The following TUT7 variants were observed in gnomAD, a reference collection of about 807,000 sequenced individuals.
TUT7 encodes terminal uridylyltransferase 7.
A neutral mutation model predicts 165.9 loss-of-function variants in TUT7; 33 were observed. The observed-to-expected ratio is 0.20, with a 90% CI of 0.15 to 0.27. The LOEUF is 0.27. TUT7 is among the 10% of genes least tolerant of loss of function. The probability of loss-of-function intolerance (pLI) is 1.00; values close to 1 mark genes in which losing one functional copy is unlikely to be tolerated. For synonymous variants in TUT7, 552 were observed against 608.1 expected (o/e 0.91, Z 1.36); for missense variants, 1,338 against 1,762.3 (o/e 0.76, Z 4.31).
intron 23 of TUT7, 115 bp from the exon 24 acceptor site, chr9:86,305,062 G>A (rs1313768807): frequency 1.7e-6 from 2 of 1,170,374 alleles, no homozygotes; most frequent in Admixed American, 2.4e-5. Flanking sequence ...CTGGGAGGCT[G>A]GGGTAGGTGG....
rs1396036366 is a variant in TUT7, at chr9:86,345,625, C to T, written c.819+44G>A. ...AAGCCACAAAGATGACAAGTAATAA[C>T]AACTAACAAGTAAGCAGACTTGTTT... On this transcript the variant is annotated intron_variant, in intron 4 of 26. Transcript: ENST00000375963. 4 of 1,380,340 alleles carry T rather than the reference C, an allele frequency of 2.9e-6. No individual in the cohort carries two copies. The East Asian group carries it at 6.9e-5, about 24-fold the overall frequency. The allele number at this position is 1,380,340 out of a possible 1,614,324, so 85.5% of individuals were successfully genotyped here. A position where few individuals can be genotyped will look rare whatever the true frequency, so the allele number is the denominator to read the frequency against.
chr9:86,332,360 A>T (rs200585607), intron 10 of TUT7, among the ~76,000 whole-genome samples: 1 of 90,142 alleles, frequency 1.1e-5, no homozygotes, highest in Admixed American at 1.1e-4. Flanking sequence ...ATGCAGCCAT[A>T]AAAAAACCCA....
At chr9:86,305,533 T>C (rs1827386685) in intron 22 of TUT7, among the ~76,000 whole-genome samples, 1 of 152,198 alleles carries the variant, frequency 6.6e-6, no homozygotes, top group Non-Finnish European at 1.5e-5. Flanking sequence ...TAAATCATTA[T>C]AAAGCTCTTT....
chr9:86,353,127 T>C lies in TUT7; in HGVS notation c.73A>G (p.Arg25Gly), dbSNP rs773185841. The change falls in exon 2 of 27, where the codon AGA (arginine) becomes GGA (glycine). Residue 25 changes from arginine to glycine, a missense_variant. Arg to Gly is a moderately radical substitution (Grantham distance 125). Coordinates refer to ENST00000375963, the MANE Select transcript of TUT7 (RefSeq NM_024617.4). ...DRGTMDDDDF[R>G]RGHPQQDYLI... The stretch of plus-strand genomic sequence containing the variant: ...TAATCTTGTTGGGGGTGACCCCTTC[T>C]GAAGTCATCATCATCCATAGTCCCC... The C allele has an allele frequency of 1.9e-6, 3 of 1,612,348 alleles. No homozygotes were observed. The African/African-American group carries it at 4.0e-5, about 22-fold the overall frequency.
chr9:86,298,378 C>T (rs1826552075), intron 26 of TUT7, among the ~76,000 whole-genome samples: 1 of 152,128 alleles, frequency 6.6e-6, no homozygotes, highest in Non-Finnish European at 1.5e-5. Flanking sequence ...TGAGAGGTAA[C>T]AGTGGAGTTC....
rs748864934 is a variant in TUT7, at chr9:86,309,306, A to T, written c.3583-17T>A. The T allele has an allele frequency of 2.0e-6, 3 of 1,503,060 alleles. No homozygotes were observed. Among genetic ancestry groups the T allele is most frequent in the South Asian group, 1.2e-5 (1 of 86,304 alleles). 93.1% of individuals were successfully genotyped at this position (1,503,060 alleles called of 1,614,324 possible). Reference sequence around the variant, plus strand: ...TTTGTATATCTGAAATTAATTTTTAAACTATTAGTATGGATTACAAACTTA... The same window carrying T: ...TTTGTATATCTGAAATTAATTTTTATACTATTAGTATGGATTACAAACTTA... On this transcript the variant is annotated splice_polypyrimidine_tract_variant and intron_variant, in intron 20 of 26. Coordinates refer to ENST00000375963, the MANE Select transcript of TUT7 (RefSeq NM_024617.4).
At chr9:86,319,113 G>T (rs919555432) in intron 15 of TUT7, 55 bp from the exon 16 acceptor site, 16 of 1,260,658 alleles carry the variant, frequency 1.3e-5, no homozygotes, top group Non-Finnish European at 1.7e-5. Context: ...TTTAATTTTT[G>T]ATCAAAATGG....
chr9:86,305,068 G>T, intron 23 of TUT7, 121 bp from the exon 24 acceptor site: 1 of 1,188,742 alleles, frequency 8.4e-7, no homozygotes, highest in Non-Finnish European at 1.2e-6. Context: ...GGCTGGGGTA[G>T]GTGGATCACT....
chr9:86,326,149 T>C (rs571849680), intron 11 of TUT7, among the ~76,000 whole-genome samples: 74 of 152,252 alleles, frequency 4.9e-4, no homozygotes, highest in African/African-American at 1.5e-3. Context: ...CAAATAGAGA[T>C]TCTGCCACGT....
Position 86,301,430 on chromosome 9 carries a change from C to A in TUT7, c.4266G>T (p.Arg1422=). ...TCTCCCTCCCCAGGTCAGCAGCTGC[C>A]CGCATTGGCTTGGCTTTCTGAGGTG... is the stretch of plus-strand genomic sequence containing the variant. ...QCTPQKAKPM[R]AAADLGREKI... Residue 1422 remains arginine, a synonymous_variant, in exon 26 of 27, where the codon CGG becomes CGT. Transcript: ENST00000375963. 1.9e-6 allele frequency: 3 copies of A among 1,614,186 alleles called. No homozygotes were observed. Among genetic ancestry groups the A allele is most frequent in the Non-Finnish European group, 2.5e-6 (3 of 1,180,022 alleles).
chr9:86,301,402 T>A lies in TUT7; in HGVS notation c.4294A>T (p.Ile1432Phe), dbSNP rs763152242. ...CATTTTTCTACTGGTGGCCTGAGGA[T>A]CTTCTCCCTCCCCAGGTCAGCAGCT... ...RAAADLGREK[I>F]LRPPVEKWKR... Residue 1432 changes from isoleucine (I) to phenylalanine (F), a missense_variant, in exon 26 of 27, where the codon ATC (isoleucine) becomes TTC (phenylalanine). Physicochemically the swap from Ile to Phe is conservative, Grantham distance 21. This residue lies in a region of TUT7 where 167 missense variants were observed against 204.9 expected (regional missense o/e 0.82). Coordinates refer to ENST00000375963, the MANE Select transcript of TUT7 (RefSeq NM_024617.4). 98 of 1,614,032 alleles carry A rather than the reference T, an allele frequency of 6.1e-5. No individual in the cohort carries two copies. Among genetic ancestry groups the A allele is most frequent in the Non-Finnish European group, 8.2e-5 (97 of 1,180,032 alleles).
At position 86,311,526 on chromosome 9, in the gene TUT7, C is replaced by T. The variant is rs1249907064; in HGVS notation, c.3275-717G>A. Among the ~76,000 whole-genome samples the T allele has an allele frequency of 5.3e-5, 8 of 152,078 alleles. No individual in the cohort carries two copies. In the East Asian group the frequency reaches 5.8e-4, roughly 11 times the overall value. ...GGTGGAGAAACTGGGAAAGGTCCAA[C>T]TACAGAACATACACATTTTGCTAAG... On this transcript the variant is annotated intron_variant, in intron 17 of 26. Coordinates refer to ENST00000375963, the MANE Select transcript of TUT7 (RefSeq NM_024617.4). This position sits in a 1 kb window ranked among gnomAD's most constrained non-coding sequence, Gnocchi z 4.4.
intron 7 of TUT7, among the ~76,000 whole-genome samples, chr9:86,340,452 A>T (rs1041743086): frequency 5.9e-5 from 9 of 152,248 alleles, no homozygotes; most frequent in Admixed American, 5.9e-4. Flanking sequence ...GTGTCAAAAT[A>T]TGTATTGATC....
At chr9:86,322,257 G>T in intron 14 of TUT7, 68 bp downstream of exon 14, 2 of 1,454,978 alleles carry the variant, frequency 1.4e-6, no homozygotes, top group South Asian at 2.4e-5. Flanking sequence ...ATAGGATAGT[G>T]ATTCTAAAGA....
Position 86,319,650 on chromosome 9 carries a change from T to C in TUT7, c.3049A>G (p.Ile1017Val), listed in dbSNP as rs577539994. 5 of 1,608,360 alleles carry C rather than the reference T, an allele frequency of 3.1e-6. No individual in the cohort carries two copies. In the South Asian group the frequency reaches 4.5e-5, roughly 14 times the overall value. ...QCYKDFSPTI[I>V]EDQAREHIRQ... ...ATATGTTCACGAGCCTGATCTTCTA[T>C]AATTGTTGGAGAAAAATCCTCTGTT... The change falls in exon 15 of 27, where the codon ATA becomes GTA. Residue 1017 changes from isoleucine (I) to valine (V), a missense_variant. By Grantham distance (29) the Ile-to-Val change is conservative (BLOSUM62 3). Around this residue, in one of 7 missense-constraint regions of TUT7, gnomAD observed 425 missense variants for 474.9 expected, o/e 0.89. Transcript: ENST00000375963.
Position 86,345,722 on chromosome 9 carries a change from T to G in TUT7, c.766A>C (p.Ile256Leu). The G allele has an allele frequency of 6.2e-7, 1 of 1,613,872 alleles. No homozygotes were observed. Among genetic ancestry groups the G allele is most frequent in the Admixed American group, 1.7e-5 (1 of 60,004 alleles). ...CRLCDVLIES[I>L]AFAHKHIKEK... is the part of the protein sequence containing the mutation. ...TTGATATGCTTATGGGCAAATGCAA[T>G]GGATTCAATTAAAACATCACAGAGT... is the stretch of plus-strand genomic sequence containing the variant. Residue 256 changes from isoleucine (I) to leucine (L), a missense_variant, in exon 4 of 27, where the codon ATT (isoleucine) becomes CTT (leucine). Ile to Leu is a conservative substitution (Grantham distance 5). Around this residue, in one of 7 missense-constraint regions of TUT7, gnomAD observed 434 missense variants for 480.8 expected, o/e 0.90. Transcript: ENST00000375963.
chr9:86,320,208 G>A (rs1829115587), intron 14 of TUT7, among the ~76,000 whole-genome samples: 1 of 141,314 alleles, frequency 7.1e-6, no homozygotes, highest in African/African-American at 2.6e-5. Flanking sequence ...TTTCCCTAAG[G>A]AGAACCTAGT....
intron 11 of TUT7, among the ~76,000 whole-genome samples, chr9:86,327,445 G>A (rs1829891120): frequency 6.6e-6 from 1 of 152,174 alleles, no homozygotes; most frequent in African/African-American, 2.4e-5. Flanking sequence ...CCATGAGTAG[G>A]GAGGAAACTG....
At chr9:86,334,651 C>T (rs898071014) in intron 10 of TUT7, among the ~76,000 whole-genome samples, 3 of 152,010 alleles carry the variant, frequency 2.0e-5, no homozygotes, top group African/African-American at 4.8e-5. Flanking sequence ...ATGAGAGTGA[C>T]GACTTCTGGG....
Sources: gnomAD v4.1 joint callset for allele counts (sites outside exome capture counted in the v4.1 genomes callset) on GRCh38, gnomAD v4.1.1 for gene constraint, gnomAD v4.1.1 regional missense constraint, Gnocchi (gnomAD v3.1) non-coding constraint, MANE v1.5 for transcripts, NCBI Gene and HGNC (gene_info 2026-07-23, HGNC 2026-07-21) for gene names.